The following PLXNA4 variants were observed in gnomAD, a reference collection of about 807,000 sequenced individuals.
PLXNA4 encodes plexin A4.
PLXNA4 carries 44 observed loss-of-function variants against 191.8 expected under a neutral mutation model. That is an observed-to-expected ratio of 0.23 (90% CI 0.18 to 0.29). The LOEUF is 0.29. Among genes scored for constraint, PLXNA4 ranks in the 10% least tolerant of loss-of-function variants. The probability of loss-of-function intolerance (pLI) is 1.00; values close to 1 mark genes in which losing one functional copy is unlikely to be tolerated. For missense variants in PLXNA4, 1,800 were observed against 2,488.8 expected, an observed-to-expected ratio of 0.72 and a Z score of 5.89; for synonymous variants, 1,082 against 1,009.5, an observed-to-expected ratio of 1.07 and a Z score of -1.36.
At chr7:132,132,003 G>T (rs560815888) in intron 31 of PLXNA4, among the ~76,000 whole-genome samples, 91 of 152,354 alleles carry the variant, frequency 6.0e-4, no homozygotes, top group African/African-American at 2.1e-3. Context: ...AGAACTCGGG[G>T]CACAAGCTTC....
At chr7:132,189,513 C>T (rs2097363606) in intron 14 of PLXNA4, among the ~76,000 whole-genome samples, 1 of 151,976 alleles carries the variant, frequency 6.6e-6, no homozygotes, top group Admixed American at 6.6e-5. Flanking sequence ...ATGAATAAAC[C>T]CACAAATTGG....
chr7:132,428,648 G>A (rs917749802), intron 3 of PLXNA4, among the ~76,000 whole-genome samples: 3 of 152,062 alleles, frequency 2.0e-5, no homozygotes, highest in East Asian at 1.9e-4. Context: ...CCTGGCTCCC[G>A]GTGGTCCCCT....
chr7:132,384,710 G>C, intron 3 of PLXNA4: 1 of 1,027,804 alleles, frequency 9.7e-7, no homozygotes, highest in South Asian at 3.6e-5. Context: ...TCTCTGCCCT[G>C]TGTATGCACA....
chr7:132,482,733 C>T (rs1797388597), intron 3 of PLXNA4, among the ~76,000 whole-genome samples: 2 of 145,844 alleles, frequency 1.4e-5, no homozygotes, highest in South Asian at 4.3e-4. Flanking sequence ...CACTCTATTG[C>T]CCAGGCTGGA....
chr7:132,202,167 G>A (rs1465142819), intron 12 of PLXNA4, among the ~76,000 whole-genome samples: 4 of 152,136 alleles, frequency 2.6e-5, no homozygotes, highest in Admixed American at 1.3e-4. Flanking sequence ...CCTAAACTGT[G>A]CTCCATCTTA....
chr7:132,141,024 C>T (rs1479697748), intron 29 of PLXNA4, among the ~76,000 whole-genome samples: 1 of 152,180 alleles, frequency 6.6e-6, no homozygotes, highest in Non-Finnish European at 1.5e-5. Flanking sequence ...ACTGGCAAGG[C>T]TGAATAATTC....
chr7:132,207,328 G>GCTGGGC (rs1797658212), intron 10 of PLXNA4, among the ~76,000 whole-genome samples: 1 of 152,244 alleles, frequency 6.6e-6, no homozygotes, highest in Admixed American at 6.5e-5. Flanking sequence ...GTCCGCGGAA[G>GCTGGGC]CTGGGCCTGG....
chr7:132,397,531 A>G lies in PLXNA4; in HGVS notation c.1371+91761T>C, dbSNP rs138788446. Among the ~76,000 whole-genome samples, 326 of 152,316 alleles carry G rather than the reference A, an allele frequency of 2.1e-3. 1 individual carries two copies. The highest frequency in any genetic ancestry group is 0.017 in the Middle Eastern group (5 of 294). On this transcript the variant is annotated intron_variant, in intron 3 of 31. Transcript: ENST00000321063. ...CATGCTGGGAGAAAGAAAAGACCCA[A>G]AGAGGTGAGCAGATATCAGCTTCCC...
chr7:132,399,127 C>A (rs114383205), intron 3 of PLXNA4, among the ~76,000 whole-genome samples: 3 of 152,274 alleles, frequency 2.0e-5, no homozygotes, highest in Non-Finnish European at 4.4e-5. Context: ...CCCTCAGTCA[C>A]GTCTCTATTA....
chr7:132,198,496 G>A lies in PLXNA4; in HGVS notation c.2727C>T (p.Ile909=), dbSNP rs778242782. 1 of 1,614,094 alleles carries A rather than the reference G, an allele frequency of 6.2e-7. No homozygotes were observed. Among genetic ancestry groups the A allele is most frequent in the South Asian group, 1.1e-5 (1 of 91,080 alleles). ...VECSPLVDGY[I]PAEQIVCEMG... ...GCAGCTTCACTTACTGTTCTGCAGG[G>A]ATGTAACCATCCACTAAAGGGCTGC... The change falls in exon 13 of 32, where the codon ATC becomes ATT. Residue 909 remains isoleucine (I), a synonymous_variant. Coordinates refer to ENST00000321063, the MANE Select transcript of PLXNA4 (RefSeq NM_020911.2).
chr7:132,129,071 G>A lies in PLXNA4; in HGVS notation c.*1408C>T, dbSNP rs1794856027. ...CATCTGTAGATGTAAGAACAGATGGGGAGATGGATGCCAAGGCCAAGGTCA... is the reference window on the plus strand; with the variant it reads ...CATCTGTAGATGTAAGAACAGATGGAGAGATGGATGCCAAGGCCAAGGTCA... On this transcript the variant is annotated 3_prime_UTR_variant, in exon 32 of 32. Coordinates refer to ENST00000321063, the MANE Select transcript of PLXNA4 (RefSeq NM_020911.2). 1 of 152,244 alleles carries A rather than the reference G, an allele frequency of 6.6e-6. No individual in the cohort carries two copies. Among genetic ancestry groups the A allele is most frequent in the Non-Finnish European group, 1.5e-5 (1 of 68,056 alleles). 9.4% of individuals were successfully genotyped at this position (152,244 alleles called of 1,614,324 possible). A position where few individuals can be genotyped will look rare whatever the true frequency, so the allele number is the denominator to read the frequency against.
intron 3 of PLXNA4, among the ~76,000 whole-genome samples, chr7:132,473,167 C>A (rs577819390): frequency 3.1e-4 from 47 of 152,354 alleles, no homozygotes; most frequent in African/African-American, 1.1e-3. Flanking sequence ...GAGTCAGTGG[C>A]AGAAAAAGAT....
intron 4 of PLXNA4, among the ~76,000 whole-genome samples, chr7:132,255,076 C>T (rs918054227): frequency 1.3e-5 from 2 of 152,138 alleles, no homozygotes; most frequent in Non-Finnish European, 2.9e-5. Context: ...AGACAACCCC[C>T]AATACCAAAA....
upstream of PLXNA4, among the ~76,000 whole-genome samples, chr7:132,577,689 G>A (rs1327378381): frequency 1.3e-5 from 2 of 152,226 alleles, no homozygotes; most frequent in South Asian, 2.1e-4. Context: ...GGCATACATG[G>A]GTGACCGGAG....
At chr7:132,385,459 G>A (rs1337688689) in intron 3 of PLXNA4, among the ~76,000 whole-genome samples, 1 of 152,164 alleles carries the variant, frequency 6.6e-6, no homozygotes, top group Non-Finnish European at 1.5e-5. Context: ...AATATCTATG[G>A]AGCAGAACTA....
intron 3 of PLXNA4, chr7:132,384,636 G>T: frequency 2.0e-6 from 2 of 990,080 alleles, no homozygotes; most frequent in Non-Finnish European, 2.4e-6. Context: ...CTTTCCCGCA[G>T]AGGCTGGGAT....
chr7:132,283,378 C>A (rs1024785549), intron 4 of PLXNA4, among the ~76,000 whole-genome samples: 4 of 152,188 alleles, frequency 2.6e-5, no homozygotes, highest in African/African-American at 9.7e-5. Context: ...AGACTGAGAG[C>A]ATGGACTAAG....
At chr7:132,402,760 CCTA>C (rs796276679) in intron 3 of PLXNA4, among the ~76,000 whole-genome samples, 37 of 152,312 alleles carry the variant, frequency 2.4e-4, no homozygotes, top group African/African-American at 8.9e-4. Context: ...AGAAACACCT[CCTA>C]CATTATTACC....
intron 4 of PLXNA4, among the ~76,000 whole-genome samples, chr7:132,253,703 C>A (rs1799334620): frequency 6.6e-6 from 1 of 152,140 alleles, no homozygotes; most frequent in Non-Finnish European, 1.5e-5. Flanking sequence ...AATTAACTAT[C>A]CCATATTGGG....
Sources: gnomAD v4.1 joint callset for allele counts (sites outside exome capture counted in the v4.1 genomes callset) on GRCh38, gnomAD v4.1.1 for gene constraint, MANE v1.5 for transcripts, NCBI Gene and HGNC (gene_info 2026-07-23, HGNC 2026-07-21) for gene names.